The following ACTR3C variants were observed in gnomAD, a reference collection of about 807,000 sequenced individuals.
ACTR3C encodes the protein actin-related protein 3C.
ACTR3C carries 18 observed loss-of-function variants against 26.3 expected under a neutral mutation model. The observed-to-expected ratio is 0.68, with a 90% confidence interval of 0.47 to 1.01. The LOEUF (loss-of-function observed/expected upper bound fraction) is 1.01. Ranked by LOEUF, ACTR3C falls within the 50% of genes least tolerant of loss-of-function variation. The pLI, the probability that ACTR3C is intolerant of heterozygous loss-of-function variation, is 0.00. For synonymous variants in ACTR3C, 55 were observed against 94.5 expected (o/e 0.58, Z 2.42); for missense variants, 184 against 250.7 (o/e 0.73, Z 1.80).
At chr7:149,940,312 G>A in the ACTR3C span, among the ~76,000 whole-genome samples, 1 of 152,028 alleles carries the variant, frequency 6.6e-6, no homozygotes, top group East Asian at 1.9e-4. Flanking sequence ...TTTGTATGAT[G>A]CATTTGAAAT....
At chr7:150,222,024 T>TC in the ACTR3C span, among the ~76,000 whole-genome samples, 2 of 130,590 alleles carry the variant, frequency 1.5e-5, no homozygotes, top group Non-Finnish European at 3.1e-5. Flanking sequence ...AAAAAGTACA[T>TC]CCCCTTACAT....
At chr7:150,315,741 T>C (rs1306403415) in intron 1 of ACTR3C, among the ~76,000 whole-genome samples, 1 of 152,120 alleles carries the variant, frequency 6.6e-6, no homozygotes, top group African/African-American at 2.4e-5. Context: ...CATGTAGAAG[T>C]AAACATACAC....
the ACTR3C span, among the ~76,000 whole-genome samples, chr7:150,032,769 G>A: frequency 1.3e-5 from 2 of 152,102 alleles, no homozygotes; most frequent in African/African-American, 2.4e-5. Context: ...TTTAGTAGAG[G>A]TAGTGGTTTG....
At chr7:150,287,310 C>T (rs890551375) in intron 4 of ACTR3C, among the ~76,000 whole-genome samples, 9 of 152,100 alleles carry the variant, frequency 5.9e-5, no homozygotes, top group East Asian at 3.9e-4. Flanking sequence ...TGATAGGTCC[C>T]GGGGAAGAAA....
At chr7:150,320,162 G>A (rs772017312) in intron 1 of ACTR3C, among the ~76,000 whole-genome samples, 2 of 152,260 alleles carry the variant, frequency 1.3e-5, no homozygotes, top group Non-Finnish European at 2.9e-5. Context: ...CCAAGGGCAG[G>A]TTCTTGGATC....
At chr7:150,067,760 G>T in the ACTR3C span, among the ~76,000 whole-genome samples, 1 of 123,978 alleles carries the variant, frequency 8.1e-6, no homozygotes, top group African/African-American at 3.0e-5. Context: ...AAAGCCACCT[G>T]AAAAGGCTGA....
chr7:150,265,936 C>A (rs71537921), intron 6 of ACTR3C, among the ~76,000 whole-genome samples: 7,893 of 152,040 alleles, frequency 0.052, 253 homozygotes, highest in South Asian at 0.055. Flanking sequence ...AAACTGAGAA[C>A]GTTCTTTTAC....
chr7:150,181,722 A>G, the ACTR3C span, among the ~76,000 whole-genome samples: 2 of 151,006 alleles, frequency 1.3e-5, no homozygotes, highest in East Asian at 3.9e-4. Flanking sequence ...AAAACATAGC[A>G]TAGTAAATTT....
At chr7:150,211,868 C>CT in the ACTR3C span, among the ~76,000 whole-genome samples, 3 of 139,950 alleles carry the variant, frequency 2.1e-5, no homozygotes, top group East Asian at 1.9e-4. Flanking sequence ...GAATTGTCAG[C>CT]TTTTTTTGGT....
At chr7:149,931,380 G>C in the ACTR3C span, among the ~76,000 whole-genome samples, 1 of 152,136 alleles carries the variant, frequency 6.6e-6, no homozygotes, top group Non-Finnish European at 1.5e-5. Context: ...CAGTGCTCCC[G>C]CAATGCTCCC....
At chr7:150,052,053 T>C in the ACTR3C span, among the ~76,000 whole-genome samples, 1 of 152,110 alleles carries the variant, frequency 6.6e-6, no homozygotes, top group Non-Finnish European at 1.5e-5. Flanking sequence ...AGAAATGAAA[T>C]GGCTAAGTTA....
chr7:150,265,625 C>T lies in ACTR3C; in HGVS notation c.565-16571G>A, dbSNP rs1246365774. On this transcript the variant is annotated intron_variant, in intron 6 of 7. Transcript: ENST00000683684. ...AGGAGAATCGCTTGAACCCGGGAGG[C>T]GGAGGTTGCAGTGAGCCGAGATGGC... 1.6e-4 allele frequency among the ~76,000 whole-genome samples: 24 copies of T among 152,198 alleles called. No individual in the cohort carries two copies. In the East Asian group the frequency reaches 2.5e-3, roughly 16 times the overall value.
chr7:150,038,749 G>A, the ACTR3C span, among the ~76,000 whole-genome samples: 3 of 126,930 alleles, frequency 2.4e-5, 1 homozygote, highest in South Asian at 4.7e-4. Context: ...ACGATGGGGG[G>A]GTCCTAAGCC....
the ACTR3C span, among the ~76,000 whole-genome samples, chr7:150,116,388 G>A: frequency 9.2e-5 from 14 of 152,060 alleles, no homozygotes; most frequent in African/African-American, 1.5e-4. Flanking sequence ...TCTCTTCTTC[G>A]TGCCCCCTGA....
the ACTR3C span, among the ~76,000 whole-genome samples, chr7:150,093,346 G>A: frequency 6.6e-6 from 1 of 151,230 alleles, no homozygotes; most frequent in South Asian, 2.1e-4. Flanking sequence ...AACCACTATT[G>A]TAAAAATTAA....
chr7:150,178,889 C>T, the ACTR3C span, among the ~76,000 whole-genome samples: 3 of 150,648 alleles, frequency 2.0e-5, no homozygotes, highest in Admixed American at 1.3e-4. Flanking sequence ...AACTTTTGCA[C>T]GTATGAGTAA....
chr7:149,900,236 C>T, the ACTR3C span, among the ~76,000 whole-genome samples: 46 of 151,992 alleles, frequency 3.0e-4, no homozygotes, highest in African/African-American at 1.1e-3. Context: ...AGTGCAGTGG[C>T]GCGATCTCAG....
At chr7:150,040,109 A>T in the ACTR3C span, among the ~76,000 whole-genome samples, 3,008 of 146,750 alleles carry the variant, frequency 0.02, 158 homozygotes, top group African/African-American at 0.073. Context: ...GGAAGAGGGG[A>T]TGGATCTCAG....
the ACTR3C span, among the ~76,000 whole-genome samples, chr7:149,947,041 C>T: frequency 1.1e-4 from 17 of 151,720 alleles, no homozygotes; most frequent in African/African-American, 4.1e-4. Context: ...TGGAGGGTAC[C>T]ACTGGAGCGG....
Sources: gnomAD v4.1 joint callset for allele counts (sites outside exome capture counted in the v4.1 genomes callset) on GRCh38, gnomAD v4.1.1 for gene constraint, MANE v1.5 for transcripts, NCBI Gene and HGNC (gene_info 2026-07-23, HGNC 2026-07-21) for gene names.